The following VTI1A variants were observed in gnomAD, a reference collection of about 807,000 sequenced individuals.
VTI1A encodes vesicle transport through interaction with t-SNAREs homolog 1A.
A neutral mutation model predicts 34.9 loss-of-function variants in VTI1A; 22 were observed. The ratio of observed to expected loss-of-function variants is 0.63; its 90% CI spans 0.45 to 0.90. The LOEUF is 0.90. Ranked by LOEUF, VTI1A falls within the 40% of genes least tolerant of loss-of-function variation. The pLI, the probability that VTI1A is intolerant of heterozygous loss-of-function variation, is 0.00. For missense variants in VTI1A, 268 were observed against 275.6 expected (o/e 0.97, Z 0.20); for synonymous variants, 87 against 97.3 (o/e 0.89, Z 0.62).
chr10:112,468,292 T>C (rs1400752725), intron 3 of VTI1A, among the ~76,000 whole-genome samples: 1 of 152,236 alleles, frequency 6.6e-6, no homozygotes, highest in Non-Finnish European at 1.5e-5. Context: ...TATATTTGAA[T>C]AGAGTGTAGA....
intron 3 of VTI1A, among the ~76,000 whole-genome samples, chr10:112,524,725 G>T (rs1425839821): frequency 6.6e-6 from 1 of 152,084 alleles, no homozygotes; most frequent in African/African-American, 2.4e-5. Context: ...ATGCCAATTT[G>T]TTGGTATTTT....
chr10:112,730,538 T>G (rs1192759697), intron 7 of VTI1A, among the ~76,000 whole-genome samples: 1 of 152,178 alleles, frequency 6.6e-6, no homozygotes, highest in Non-Finnish European at 1.5e-5. Flanking sequence ...TGCCCGAGTT[T>G]CTTTTTCCTA....
At chr10:112,651,393 C>T (rs1847010213) in intron 5 of VTI1A, among the ~76,000 whole-genome samples, 1 of 152,190 alleles carries the variant, frequency 6.6e-6, no homozygotes, top group African/African-American at 2.4e-5. Flanking sequence ...TTACCACAAC[C>T]TCCACCTCCC....
chr10:112,743,697 C>T (rs997449342), intron 7 of VTI1A, among the ~76,000 whole-genome samples: 10 of 152,170 alleles, frequency 6.6e-5, no homozygotes, highest in Non-Finnish European at 1.2e-4. Context: ...TTTCAGGAAC[C>T]TCCCACCCCA....
In VTI1A at chr10:112,527,121, G is replaced by C. The variant is rs774793448; in HGVS notation, c.299G>C (p.Arg100Pro). The change falls in exon 4 of 8, where the codon CGG (arginine) becomes CCG (proline). Residue 100 changes from arginine to proline, a missense_variant. By Grantham distance (103) the Arg-to-Pro change is moderately radical. Transcript: ENST00000393077. ...CGGATCGCCTACAGTGACGAAGTAC[G>C]GAATGAGCTCCTGGGGGATGATGGG... is the stretch of plus-strand genomic sequence containing the variant. Reference protein sequence around the residue: ...RSRIAYSDEVRNELLGDDGNS... With the variant: ...RSRIAYSDEVPNELLGDDGNS... 1.2e-6 allele frequency: 2 copies of C among 1,613,188 alleles called. No homozygotes were observed. Among genetic ancestry groups the C allele is most frequent in the South Asian group, 1.1e-5 (1 of 90,948 alleles).
intron 7 of VTI1A, among the ~76,000 whole-genome samples, chr10:112,772,920 G>A (rs1427333264): frequency 1.3e-5 from 2 of 152,190 alleles, no homozygotes; most frequent in Non-Finnish European, 1.5e-5. Context: ...GAACAGGGTG[G>A]AGTTTAGCAA....
intron 7 of VTI1A, among the ~76,000 whole-genome samples, chr10:112,711,078 AC>A (rs1193577075): frequency 2.6e-5 from 4 of 152,218 alleles, no homozygotes; most frequent in Admixed American, 1.3e-4. Flanking sequence ...CTCTTTGAGC[AC>A]ACCTAGTTAT....
At chr10:112,758,103 A>G (rs569793325) in intron 7 of VTI1A, among the ~76,000 whole-genome samples, 5 of 152,332 alleles carry the variant, frequency 3.3e-5, no homozygotes, top group Admixed American at 3.3e-4. Flanking sequence ...CCTGTAAAAT[A>G]AGGTAGGATG....
At chr10:112,542,369 G>A (rs989680641) in intron 5 of VTI1A, among the ~76,000 whole-genome samples, 7 of 152,158 alleles carry the variant, frequency 4.6e-5, no homozygotes, top group African/African-American at 1.7e-4. Flanking sequence ...TCTACACTCA[G>A]CAGCCTCACA....
intron 7 of VTI1A, among the ~76,000 whole-genome samples, chr10:112,805,529 C>T (rs552322365): frequency 6.6e-6 from 1 of 152,256 alleles, no homozygotes; most frequent in South Asian, 2.1e-4. Context: ...ATTTATATGT[C>T]GAAGTACTAA....
chr10:112,466,010 A>G (rs796606420), intron 3 of VTI1A, among the ~76,000 whole-genome samples: 14 of 152,308 alleles, frequency 9.2e-5, no homozygotes, highest in African/African-American at 3.4e-4. Flanking sequence ...TTTTCAGCAA[A>G]TTAATGAAAT....
upstream of VTI1A, chr10:112,447,181 C>A (rs1483381228): frequency 1.1e-5 from 6 of 566,160 alleles, no homozygotes; most frequent in East Asian, 2.8e-5. Flanking sequence ...AAAGCACGCA[C>A]GCAACCCAAT....
intron 5 of VTI1A, among the ~76,000 whole-genome samples, chr10:112,543,088 T>C (rs956678132): frequency 6.6e-6 from 1 of 152,356 alleles, no homozygotes; most frequent in South Asian, 2.1e-4. Flanking sequence ...TGATGAACAT[T>C]TGGGTTCGTT....
intron 3 of VTI1A, chr10:112,485,318 A>T (rs1194647055): frequency 1.3e-5 from 2 of 152,166 alleles, no homozygotes; most frequent in African/African-American, 4.8e-5. Flanking sequence ...AAAAGAATGA[A>T]GTTTCTGAAA....
At chr10:112,515,735 C>T (rs1849752712) in intron 3 of VTI1A, among the ~76,000 whole-genome samples, 1 of 152,050 alleles carries the variant, frequency 6.6e-6, no homozygotes, top group Non-Finnish European at 1.5e-5. Flanking sequence ...TCATTCTCCT[C>T]AGATAACAAT....
intron 7 of VTI1A, among the ~76,000 whole-genome samples, chr10:112,684,387 C>T (rs1487896627): frequency 6.6e-6 from 1 of 150,436 alleles, no homozygotes; most frequent in Non-Finnish European, 1.5e-5. Context: ...CATTCATAAA[C>T]TATATTATTT....
intron 7 of VTI1A, among the ~76,000 whole-genome samples, chr10:112,710,012 T>C (rs907328717): frequency 7.3e-6 from 1 of 136,388 alleles, no homozygotes; most frequent in Non-Finnish European, 1.6e-5. Context: ...ATGCCTTAAG[T>C]TTCAGCTGTT....
chr10:112,597,929 C>A (rs1844728020), intron 5 of VTI1A, among the ~76,000 whole-genome samples: 1 of 150,552 alleles, frequency 6.6e-6, no homozygotes, highest in African/African-American at 2.4e-5. Flanking sequence ...GATCTCCTGA[C>A]CTCATGATCC....
At chr10:112,475,960 A>C (rs1262602126) in intron 3 of VTI1A, among the ~76,000 whole-genome samples, 1 of 152,224 alleles carries the variant, frequency 6.6e-6, no homozygotes, top group Non-Finnish European at 1.5e-5. Context: ...GCCCAGTGCA[A>C]CTGTCAGCCT....
Sources: allele counts gnomAD v4.1 joint callset (sites outside exome capture counted in the v4.1 genomes callset), GRCh38; gene constraint gnomAD v4.1.1; transcripts MANE v1.5; gene names NCBI Gene and HGNC (gene_info 2026-07-23, HGNC 2026-07-21).